Variants in TMEM207 observed in about 807,000 individuals in gnomAD.
TMEM207 encodes the protein transmembrane protein 207, also known as SRSR846.
TMEM207 carries 15 observed loss-of-function variants against 17.4 expected under a neutral mutation model. The ratio of observed to expected loss-of-function variants is 0.86; its 90% CI spans 0.58 to 1.33. The LOEUF (loss-of-function observed/expected upper bound fraction) is 1.33, where lower values mean the gene tolerates loss of function less well. Ranked by LOEUF, TMEM207 falls within the 40% of genes most tolerant of loss-of-function variation. The pLI is 0.00. For synonymous variants in TMEM207, 70 were observed against 65.6 expected (o/e 1.07, Z -0.33); for missense variants, 205 against 173.8 (o/e 1.18, Z -1.01).
intron 1 of TMEM207, 68 bp from the exon 2 acceptor site, chr3:190,447,895 G>T (rs1304558566): frequency 6.2e-6 from 9 of 1,445,094 alleles, no homozygotes; most frequent in Non-Finnish European, 7.5e-6. Flanking sequence ...TACAAGCAGC[G>T]CCTAGAGACA....
In TMEM207 at chr3:190,429,465, A is replaced by G. The variant is rs960201985; in HGVS notation, c.*130T>C. On this transcript the variant is annotated 3_prime_UTR_variant, in exon 5 of 5. Transcript: ENST00000354905. ...TTTTCCAACATCCATTCTTTTGTCG[A>G]ATTGTCCTTCCTCAGACTATATGAA... 8 of 1,330,084 alleles carry G rather than the reference A, an allele frequency of 6.0e-6. No individual in the cohort carries two copies. The African/African-American group carries it at 1.1e-4, about 18-fold the overall frequency. The allele number at this position is 1,330,084 out of a possible 1,614,324, so 82.4% of individuals were successfully genotyped here.
chr3:190,431,466 T>C (rs781469538), intron 4 of TMEM207, among the ~76,000 whole-genome samples: 23 of 152,002 alleles, frequency 1.5e-4, no homozygotes, highest in Non-Finnish European at 3.4e-4. Context: ...ATTATTATTA[T>C]TAATTATAAT....
chr3:190,439,876 T>C (rs1185055930), intron 4 of TMEM207, among the ~76,000 whole-genome samples: 1 of 152,210 alleles, frequency 6.6e-6, no homozygotes, highest in Non-Finnish European at 1.5e-5. Context: ...AATGAATTTA[T>C]AAATACAAGT....
chr3:190,434,998 C>A (rs907349448), intron 4 of TMEM207, among the ~76,000 whole-genome samples: 2 of 152,176 alleles, frequency 1.3e-5, no homozygotes, highest in African/African-American at 2.4e-5. Flanking sequence ...ACTGTTTCTT[C>A]TCTTCTTCCT....
Position 190,440,230 on chromosome 3 carries a change from T to C in TMEM207, c.304+14A>G. 6.2e-7 allele frequency: 1 copy of C among 1,609,624 alleles called. No homozygotes were observed. Among genetic ancestry groups the C allele is most frequent in the Non-Finnish European group, 8.5e-7 (1 of 1,178,736 alleles). ...AGTATCAAAAAAGAGTCCAGAAGCG[T>C]GCAGACAACTCACCATAAATAGAGT... On this transcript the variant is annotated intron_variant, in intron 4 of 4. Transcript: ENST00000354905.
rs564763899 is a variant in TMEM207, at chr3:190,430,694, T to C, written c.305-963A>G. 5.9e-5 allele frequency among the ~76,000 whole-genome samples: 9 copies of C among 152,218 alleles called. No individual in the cohort carries two copies. The East Asian group carries it at 1.5e-3, about 26-fold the overall frequency. The stretch of plus-strand genomic sequence containing the variant: ...TAAATCGGGCCTCTGATTTTGTGTA[T>C]TGAATTTATGAAACACAATCTTATT... On this transcript the variant is annotated intron_variant, in intron 4 of 4. Transcript: ENST00000354905.
At chr3:190,442,477 CTT>C (rs1577447019) in intron 2 of TMEM207, among the ~76,000 whole-genome samples, 2 of 152,182 alleles carry the variant, frequency 1.3e-5, no homozygotes, top group South Asian at 4.1e-4. Context: ...TCAGAAATGA[CTT>C]TTAACATATG....
At chr3:190,447,319 A>G (rs1347136035) in intron 2 of TMEM207, among the ~76,000 whole-genome samples, 1 of 152,186 alleles carries the variant, frequency 6.6e-6, no homozygotes, top group Non-Finnish European at 1.5e-5. Flanking sequence ...AAGTGAAAAA[A>G]TTGAGTCAAT....
In TMEM207 at chr3:190,440,243, C is replaced by T. The variant is rs769944896; in HGVS notation, c.304+1G>A. ...AGTCCAGAAGCGTGCAGACAACTCA[C>T]CATAAATAGAGTCCAAGTCTCCAAC... On this transcript the variant is annotated splice_donor_variant, in intron 4 of 4. Transcript: ENST00000354905. LOFTEE classifies it high-confidence loss of function. 6.2e-7 allele frequency: 1 copy of T among 1,612,768 alleles called. No individual in the cohort carries two copies. The highest frequency in any genetic ancestry group is 1.3e-5 in the African/African-American group (1 of 74,726).
At chr3:190,440,928 G>A (rs1719920718) in intron 3 of TMEM207, among the ~76,000 whole-genome samples, 1 of 152,182 alleles carries the variant, frequency 6.6e-6, no homozygotes, top group Non-Finnish European at 1.5e-5. Flanking sequence ...AATTAGCTGG[G>A]CGTGATGGCG....
intron 4 of TMEM207, among the ~76,000 whole-genome samples, chr3:190,438,736 A>G (rs1463059386): frequency 6.6e-6 from 1 of 152,206 alleles, no homozygotes; most frequent in Non-Finnish European, 1.5e-5. Flanking sequence ...ACCTGGAGGT[A>G]AATAAAGAAA....
intron 4 of TMEM207, among the ~76,000 whole-genome samples, chr3:190,439,013 T>C (rs1719865082): frequency 7.0e-6 from 1 of 143,830 alleles, no homozygotes; most frequent in Admixed American, 6.9e-5. Context: ...CCGTCTCTAC[T>C]AAAAATACAA....
chr3:190,443,486 C>T (rs1719979443), intron 2 of TMEM207, among the ~76,000 whole-genome samples: 1 of 151,938 alleles, frequency 6.6e-6, no homozygotes, highest in African/African-American at 2.4e-5. Context: ...TGGAGAAGTG[C>T]AGTAATCATG....
At chr3:190,438,463 A>T (rs981296083) in intron 4 of TMEM207, among the ~76,000 whole-genome samples, 6 of 152,176 alleles carry the variant, frequency 3.9e-5, no homozygotes, top group African/African-American at 1.4e-4. Context: ...CACATATGGA[A>T]TCTGCCATGC....
chr3:190,429,731 C>G lies in TMEM207; in HGVS notation c.305G>C (p.Gly102Ala), dbSNP rs373095104. ...AGTTGGACTCACAGCTGCTTCTGTCCCTGGAAAGAGAAAGATGAAGACTTG... is the reference window on the plus strand; with the variant it reads ...AGTTGGACTCACAGCTGCTTCTGTCGCTGGAAAGAGAAAGATGAAGACTTG... Reference protein sequence around the residue: ...FAVGDLDSIYGTEAAVSPTVG... With the variant: ...FAVGDLDSIYATEAAVSPTVG... The change falls in exon 5 of 5, where the codon GGG becomes GCG. Residue 102 changes from glycine to alanine, a missense_variant and splice_region_variant. By Grantham distance (60) the Gly-to-Ala change is moderately conservative (BLOSUM62 0). Coordinates refer to ENST00000354905, the MANE Select transcript of TMEM207 (RefSeq NM_207316.3). The G allele has an allele frequency of 6.3e-7, 1 of 1,595,834 alleles. No homozygotes were observed. The highest frequency in any genetic ancestry group is 1.1e-5 in the South Asian group (1 of 87,830).
intron 2 of TMEM207, 47 bp downstream of exon 2, chr3:190,447,743 T>C: frequency 1.3e-6 from 2 of 1,599,488 alleles, no homozygotes; most frequent in South Asian, 2.3e-5. Context: ...TACTTTGAAT[T>C]TTTTAAATGC....
intron 4 of TMEM207, among the ~76,000 whole-genome samples, chr3:190,429,989 G>A (rs1327644567): frequency 2.0e-5 from 3 of 152,106 alleles, no homozygotes; most frequent in South Asian, 4.1e-4. Context: ...CAATTTAGGA[G>A]CTGAAACTAG....
At chr3:190,444,435 C>T (rs1214645447) in intron 2 of TMEM207, 4 of 984,778 alleles carry the variant, frequency 4.1e-6, no homozygotes, top group African/African-American at 1.8e-5. Flanking sequence ...CCTCATAGTA[C>T]CATGTGGAGT....
intron 1 of TMEM207, among the ~76,000 whole-genome samples, chr3:190,448,326 A>G (rs576086559): frequency 1.3e-5 from 2 of 152,262 alleles, no homozygotes; most frequent in African/African-American, 4.8e-5. Context: ...TCTAAGGGTA[A>G]GGTCCATTTA....
Sources: gnomAD v4.1 joint callset for allele counts (sites outside exome capture counted in the v4.1 genomes callset) on GRCh38, gnomAD v4.1.1 for gene constraint, MANE v1.5 for transcripts, NCBI Gene and HGNC (gene_info 2026-07-23, HGNC 2026-07-21) for gene names.